Variants in TTC28 observed in about 807,000 individuals in gnomAD.
The protein encoded by TTC28 is tetratricopeptide repeat domain 28.
A neutral mutation model predicts 198.0 loss-of-function variants in TTC28; 61 were observed. The ratio of observed to expected loss-of-function variants is 0.31; its 90% confidence interval spans 0.25 to 0.38. The LOEUF is 0.38. Among genes scored for constraint, TTC28 ranks in the 10% least tolerant of loss-of-function variants. The probability of loss-of-function intolerance (pLI) is 1.00; values close to 1 mark genes in which losing one functional copy is unlikely to be tolerated. For missense variants in TTC28, 2,678 were observed against 3,164.0 expected (o/e 0.85, Z 3.69); for synonymous variants, 1,171 against 1,297.8 (o/e 0.90, Z 2.10).
intron 2 of TTC28, among the ~76,000 whole-genome samples, chr22:28,582,926 C>T (rs573628664): frequency 6.5e-4 from 99 of 152,046 alleles, no homozygotes; most frequent in Non-Finnish European, 1.3e-3. Flanking sequence ...TTTAAGATAC[C>T]ATAGGAAAGG....
intron 2 of TTC28, among the ~76,000 whole-genome samples, chr22:28,548,066 A>G (rs1211850966): frequency 6.6e-6 from 1 of 152,108 alleles, no homozygotes; most frequent in Non-Finnish European, 1.5e-5. Flanking sequence ...TTATCTAAAT[A>G]TCATCTAATA....
chr22:28,196,785 G>A (rs1475042916), intron 5 of TTC28, among the ~76,000 whole-genome samples: 3 of 152,148 alleles, frequency 2.0e-5, no homozygotes, highest in African/African-American at 7.2e-5. Context: ...GTGCTGGAGA[G>A]GATGTGGAGA....
At chr22:28,425,617 A>G (rs999505114) in intron 2 of TTC28, among the ~76,000 whole-genome samples, 1 of 152,248 alleles carries the variant, frequency 6.6e-6, no homozygotes, top group Non-Finnish European at 1.5e-5. Flanking sequence ...GGATTCATTG[A>G]TCAAGTGATC....
chr22:28,401,511 G>A (rs983735100), intron 2 of TTC28, among the ~76,000 whole-genome samples: 3 of 152,088 alleles, frequency 2.0e-5, no homozygotes, highest in African/African-American at 7.2e-5. Flanking sequence ...AGCTACTCAG[G>A]AGGCTGAGGC....
At chr22:28,239,040 C>G (rs1223639162) in intron 5 of TTC28, among the ~76,000 whole-genome samples, 1 of 152,142 alleles carries the variant, frequency 6.6e-6, no homozygotes, top group Non-Finnish European at 1.5e-5. Flanking sequence ...GTTCAATGCT[C>G]TATTTCCCTT....
chr22:28,505,592 G>A (rs1175013907), intron 2 of TTC28, among the ~76,000 whole-genome samples: 3 of 152,282 alleles, frequency 2.0e-5, no homozygotes, highest in Non-Finnish European at 2.9e-5. Flanking sequence ...TGCCTCAGGA[G>A]CTCAGGATAC....
chr22:28,218,040 C>T (rs960651080), intron 5 of TTC28, among the ~76,000 whole-genome samples: 2 of 152,164 alleles, frequency 1.3e-5, no homozygotes, highest in Non-Finnish European at 2.9e-5. Flanking sequence ...AACAGCCTCA[C>T]ATAGATATGT....
chr22:28,518,323 G>T (rs1349781775), intron 2 of TTC28, among the ~76,000 whole-genome samples: 1 of 152,258 alleles, frequency 6.6e-6, no homozygotes. Flanking sequence ...TTTTGAAAAT[G>T]AGTATACAAA....
At chr22:28,625,740 A>G (rs930715169) in intron 2 of TTC28, among the ~76,000 whole-genome samples, 8 of 152,216 alleles carry the variant, frequency 5.3e-5, no homozygotes, top group African/African-American at 1.4e-4. Flanking sequence ...AAAACAACTT[A>G]GAAAAAAGAA....
At chr22:28,349,483 C>G (rs1385269005) in intron 2 of TTC28, among the ~76,000 whole-genome samples, 1 of 152,138 alleles carries the variant, frequency 6.6e-6, no homozygotes, top group Non-Finnish European at 1.5e-5. Flanking sequence ...CTGAATGGTA[C>G]TAAAGAATAC....
At chr22:28,090,520 C>A (rs929532947) in intron 12 of TTC28, among the ~76,000 whole-genome samples, 4 of 152,030 alleles carry the variant, frequency 2.6e-5, no homozygotes, top group Admixed American at 2.0e-4. Flanking sequence ...AAACCTAGGA[C>A]AGATACTAGT....
intron 2 of TTC28, among the ~76,000 whole-genome samples, chr22:28,478,739 T>A (rs765783584): frequency 2.4e-4 from 37 of 152,046 alleles, no homozygotes; most frequent in Non-Finnish European, 5.1e-4. Flanking sequence ...TCAAAAAAAA[T>A]CCAATCCATC....
intron 6 of TTC28, among the ~76,000 whole-genome samples, chr22:28,162,725 G>T (rs1007447993): frequency 3.9e-5 from 6 of 152,194 alleles, no homozygotes; most frequent in Admixed American, 6.5e-5. Flanking sequence ...GAGGTGGGAG[G>T]ATCGCTTGAG....
intron 5 of TTC28, among the ~76,000 whole-genome samples, chr22:28,208,161 A>G (rs992262785): frequency 3.3e-5 from 5 of 152,144 alleles, no homozygotes; most frequent in African/African-American, 1.2e-4. Context: ...CTGAATGAAT[A>G]AAGGACACAT....
At chr22:28,033,344 T>TC (rs1439458885) in intron 12 of TTC28, among the ~76,000 whole-genome samples, 1 of 152,164 alleles carries the variant, frequency 6.6e-6, no homozygotes, top group Non-Finnish European at 1.5e-5. Flanking sequence ...TTGCCACCAA[T>TC]CCTCACAGCA....
At chr22:28,611,977 G>C (rs2050827246) in intron 2 of TTC28, among the ~76,000 whole-genome samples, 2 of 151,918 alleles carry the variant, frequency 1.3e-5, no homozygotes, top group Admixed American at 1.3e-4. Flanking sequence ...ATTCACACAA[G>C]ATTAACCTTA....
rs1937080497 is a variant in TTC28, at chr22:27,983,111, G to T, written c.6556C>A (p.Gln2186Lys). ...AVERLQRSGG[Q>K]VSKSNNPEDG... ...TCAGGGTTATTACTCTTGCTCACCT[G>T]GCCGCCGCTCCTCTGAAGACGCTCC... The change falls in exon 23 of 23, where the codon CAG (glutamine) becomes AAG (lysine). Residue 2186 changes from glutamine to lysine, a missense_variant. Physicochemically the swap from Gln to Lys is moderately conservative, Grantham distance 53. Around this residue, in one of 8 missense-constraint regions of TTC28, gnomAD observed 622 missense variants for 656.0 expected, o/e 0.95. Transcript: ENST00000397906. 6.4e-7 allele frequency: 1 copy of T among 1,551,744 alleles called. No individual in the cohort carries two copies. Among genetic ancestry groups the T allele is most frequent in the East Asian group, 2.4e-5 (1 of 40,904 alleles).
intron 5 of TTC28, among the ~76,000 whole-genome samples, chr22:28,274,268 G>A (rs567444799): frequency 3.5e-4 from 54 of 152,284 alleles, no homozygotes; most frequent in South Asian, 1.7e-3. Context: ...AATTATTTGT[G>A]TACCTTTCCA....
chr22:28,192,229 C>T (rs570502664), intron 5 of TTC28, among the ~76,000 whole-genome samples: 49 of 152,300 alleles, frequency 3.2e-4, no homozygotes, highest in African/African-American at 1.1e-3. Context: ...GCTGAGGGTC[C>T]TGACTGTCAG....
Sources: gnomAD v4.1 joint callset for allele counts (sites outside exome capture counted in the v4.1 genomes callset) on GRCh38, gnomAD v4.1.1 for gene constraint, gnomAD v4.1.1 regional missense constraint, MANE v1.5 for transcripts, NCBI Gene and HGNC (gene_info 2026-07-23, HGNC 2026-07-21) for gene names.